KCNMA1: variants seen among roughly 807,000 people sequenced by gnomAD.
KCNMA1 encodes Calcium-activated potassium channel subunit alpha-1.
In KCNMA1, 29 loss-of-function variants were observed where a neutral mutation model predicts 140.0. The observed-to-expected ratio is 0.21, with a 90% CI of 0.15 to 0.28. The LOEUF is 0.28. Ranked by LOEUF, KCNMA1 falls within the 10% of genes least tolerant of loss-of-function variation. The pLI is 1.00. For missense variants in KCNMA1, 880 were observed against 1,602.2 expected (o/e 0.55, Z 7.70); for synonymous variants, 612 against 611.9 (o/e 1.00, Z 0.00).
In KCNMA1 at chr10:76,922,654, G is replaced by T. The variant is rs552478152; in HGVS notation, c.2903-7605C>A. Among the ~76,000 whole-genome samples, 13 of 152,276 alleles carry T rather than the reference G, an allele frequency of 8.5e-5. No individual in the cohort carries two copies. The South Asian group carries it at 2.7e-3, about 32-fold the overall frequency. ...CTGGCAAGCAGTTAGCCCACCATGGGGTGAATGAAAACAGGGCAAATGAAC... is the reference window on the plus strand; with the variant it reads ...CTGGCAAGCAGTTAGCCCACCATGGTGTGAATGAAAACAGGGCAAATGAAC... On this transcript the variant is annotated intron_variant, in intron 23 of 27. Transcript: ENST00000286628.
intron 5 of KCNMA1, among the ~76,000 whole-genome samples, chr10:77,180,565 A>G (rs2098795144): frequency 1.3e-5 from 2 of 152,150 alleles, no homozygotes; most frequent in South Asian, 4.1e-4. Context: ...TTCAATTTCA[A>G]TAGTACTTAT....
intron 2 of KCNMA1, among the ~76,000 whole-genome samples, chr10:77,369,379 T>G (rs1466072675): frequency 6.6e-6 from 1 of 152,122 alleles, no homozygotes; most frequent in Non-Finnish European, 1.5e-5. Context: ...GGGACCTAGG[T>G]GCTGGAATTT....
chr10:77,578,881 G>A (rs1210488100), intron 1 of KCNMA1, among the ~76,000 whole-genome samples: 1 of 152,248 alleles, frequency 6.6e-6, no homozygotes, highest in African/African-American at 2.4e-5. Flanking sequence ...CACAGAGGCA[G>A]GGCCTGCATC....
intron 3 of KCNMA1, among the ~76,000 whole-genome samples, chr10:77,246,107 G>A (rs1428737296): frequency 2.4e-4 from 36 of 152,204 alleles, no homozygotes. Flanking sequence ...GGCAGGATGA[G>A]GTGATGCAAC....
chr10:77,197,057 A>C lies in KCNMA1; in HGVS notation c.603-12141T>G, dbSNP rs148319922. Among the ~76,000 whole-genome samples, 496 of 152,328 alleles carry C rather than the reference A, an allele frequency of 3.3e-3. 1 individual carries two copies. The highest frequency in any genetic ancestry group is 9.9e-3 in the South Asian group (48 of 4,826). On this transcript the variant is annotated intron_variant, in intron 3 of 27. Coordinates refer to ENST00000286628, the MANE Select transcript of KCNMA1 (RefSeq NM_001161352.2). The stretch of plus-strand genomic sequence containing the variant: ...AAAAAAAATATTTCAAGGAGAGAAA[A>C]TGATCACAATTTACTAATCAATGAT...
intron 1 of KCNMA1, among the ~76,000 whole-genome samples, chr10:77,562,051 G>A (rs915507392): frequency 2.0e-5 from 3 of 151,910 alleles, no homozygotes; most frequent in African/African-American, 7.3e-5. Flanking sequence ...GTAAATGACA[G>A]AGTCAAAATG....
intron 19 of KCNMA1, among the ~76,000 whole-genome samples, chr10:76,987,544 G>C (rs2153276443): frequency 6.6e-6 from 1 of 152,310 alleles, no homozygotes; most frequent in South Asian, 2.1e-4. Context: ...AAATGAATGG[G>C]AGTGACTATG....
chr10:77,453,881 A>G (rs114716132), intron 1 of KCNMA1, among the ~76,000 whole-genome samples: 2,242 of 152,272 alleles, frequency 0.015, 50 homozygotes, highest in African/African-American at 0.051. Flanking sequence ...GGAACGGTTC[A>G]CCTTCCCACC....
At chr10:77,050,510 G>A (rs2095321990) in intron 14 of KCNMA1, among the ~76,000 whole-genome samples, 1 of 152,134 alleles carries the variant, frequency 6.6e-6, no homozygotes, top group South Asian at 2.1e-4. Context: ...GTGTCTGAGG[G>A]CTTACTTAGT....
At chr10:77,336,085 G>C (rs78983873) in intron 2 of KCNMA1, among the ~76,000 whole-genome samples, 3,399 of 152,246 alleles carry the variant, frequency 0.022, 137 homozygotes, top group African/African-American at 0.076. Context: ...AATGGACACA[G>C]CAGCAAGGGA....
chr10:76,907,003 T>C (rs1233977088), intron 25 of KCNMA1, among the ~76,000 whole-genome samples: 1 of 152,236 alleles, frequency 6.6e-6, no homozygotes, highest in African/African-American at 2.4e-5. Context: ...AAATATGTCT[T>C]GCTTCAACAC....
intron 1 of KCNMA1, among the ~76,000 whole-genome samples, chr10:77,598,786 G>A (rs76477338): frequency 2.0e-3 from 299 of 152,298 alleles, no homozygotes; most frequent in African/African-American, 5.9e-3. Flanking sequence ...CAAGCGTCCT[G>A]GGAAGGTCAG....
At chr10:77,123,058 T>C (rs1236078452) in intron 5 of KCNMA1, among the ~76,000 whole-genome samples, 3 of 151,134 alleles carry the variant, frequency 2.0e-5, no homozygotes, top group Non-Finnish European at 4.4e-5. Flanking sequence ...CGGGCGCCTG[T>C]AGTCCCAGCT....
intron 3 of KCNMA1, among the ~76,000 whole-genome samples, chr10:77,188,976 C>T (rs1598304176): frequency 2.0e-5 from 3 of 152,102 alleles, no homozygotes; most frequent in African/African-American, 7.2e-5. Context: ...GTCTGTTTTC[C>T]CACCTCCCTG....
intron 3 of KCNMA1, among the ~76,000 whole-genome samples, chr10:77,205,610 A>C (rs924007901): frequency 1.4e-5 from 2 of 141,564 alleles, no homozygotes; most frequent in South Asian, 4.4e-4. Context: ...GCAGTCTTAG[A>C]TTGATGAAGG....
intron 7 of KCNMA1, among the ~76,000 whole-genome samples, chr10:77,111,838 G>A (rs990049152): frequency 1.3e-5 from 2 of 152,174 alleles, no homozygotes; most frequent in Non-Finnish European, 2.9e-5. Flanking sequence ...GTCTGCCTTC[G>A]GGTGGTGTGA....
intron 20 of KCNMA1, among the ~76,000 whole-genome samples, chr10:76,959,257 G>A (rs1407073862): frequency 1.3e-5 from 2 of 152,212 alleles, no homozygotes; most frequent in East Asian, 3.9e-4. Flanking sequence ...AATTTGAGCA[G>A]TCTGACTTAT....
intron 19 of KCNMA1, among the ~76,000 whole-genome samples, chr10:76,981,468 G>A: frequency 6.6e-6 from 1 of 152,174 alleles, no homozygotes; most frequent in Non-Finnish European, 1.5e-5. Context: ...TAAATTACAG[G>A]AAATTCACGC....
chr10:77,414,398 C>T (rs568255623), intron 1 of KCNMA1, among the ~76,000 whole-genome samples: 1 of 152,298 alleles, frequency 6.6e-6, no homozygotes, highest in East Asian at 1.9e-4. Flanking sequence ...ATCACTGATC[C>T]CCTCTTACAT....
Sources: gnomAD v4.1 joint callset for allele counts (sites outside exome capture counted in the v4.1 genomes callset) on GRCh38, gnomAD v4.1.1 for gene constraint, MANE v1.5 for transcripts, NCBI Gene and HGNC (gene_info 2026-07-23, HGNC 2026-07-21) for gene names.